The following CC2D2B variants were observed in gnomAD, a reference collection of about 807,000 sequenced individuals.
CC2D2B encodes the protein coiled-coil and C2 domain containing 2B.
A neutral mutation model predicts 161.2 loss-of-function variants in CC2D2B; 128 were observed. That is an observed-to-expected ratio of 0.79 (90% CI 0.69 to 0.92). CC2D2B has a LOEUF of 0.92. Among genes scored for constraint, CC2D2B ranks in the 40% least tolerant of loss-of-function variants. The pLI, the probability that CC2D2B is intolerant of heterozygous loss-of-function variation, is 0.00. For missense variants in CC2D2B, 1,173 were observed against 1,375.1 expected (o/e 0.85, Z 2.32); for synonymous variants, 391 against 449.8 (o/e 0.87, Z 1.65).
Position 95,992,812 on chromosome 10 carries a change from AAATG to A in CC2D2B, c.2642+122_2642+125del, listed in dbSNP as rs754604625. On this transcript the variant is annotated intron_variant, in intron 22 of 34. Transcript: ENST00000646931. ...ACTTTGTTAATGCTCCATATACATA[AAATG>A]AATGAAAATTGAAATCTTCATTTGC... 54 of 628,860 alleles carry A rather than the reference AAATG, an allele frequency of 8.6e-5. No homozygotes were observed. In the African/African-American group the frequency reaches 9.3e-4, roughly 11 times the overall value. 39.0% of individuals were successfully genotyped at this position (628,860 alleles called of 1,614,324 possible). A position where few individuals can be genotyped will look rare whatever the true frequency, so the allele number is the denominator to read the frequency against.
At chr10:95,950,905 T>C (rs2039618) in intron 10 of CC2D2B, among the ~76,000 whole-genome samples, 89,597 of 151,744 alleles carry the variant, frequency 0.59, 27,022 homozygotes, top group Admixed American at 0.66. Flanking sequence ...CTGCAACCTC[T>C]ACCTCCCGAG....
intron 16 of CC2D2B, 26 bp from the exon 17 acceptor site, chr10:95,973,983 A>G (rs1292910296): frequency 4.1e-6 from 5 of 1,211,872 alleles, no homozygotes; most frequent in Non-Finnish European, 4.1e-6. Context: ...AACAATTCAT[A>G]TGTTTTTAAT....
At chr10:95,933,641 T>G (rs2075691998) in intron 6 of CC2D2B, among the ~76,000 whole-genome samples, 1 of 152,222 alleles carries the variant, frequency 6.6e-6, no homozygotes, top group Admixed American at 6.5e-5. Context: ...GAGACCCCTC[T>G]GCTGCAGGTC....
At chr10:96,010,849 G>C (rs978421401) in intron 26 of CC2D2B, among the ~76,000 whole-genome samples, 61 of 152,152 alleles carry the variant, frequency 4.0e-4, no homozygotes, top group African/African-American at 1.2e-3. Context: ...TTCCTTCATG[G>C]GTTTCTTCCT....
intron 1 of CC2D2B, among the ~76,000 whole-genome samples, chr10:95,909,173 T>C (rs2098501675): frequency 6.6e-6 from 1 of 152,242 alleles, no homozygotes; most frequent in South Asian, 2.1e-4. Flanking sequence ...GTTAAGTTAA[T>C]TTTTAAACTT....
At chr10:96,019,974 C>T in intron 32 of CC2D2B, 150 bp downstream of exon 32, 4 of 624,590 alleles carry the variant, frequency 6.4e-6, no homozygotes, top group Non-Finnish European at 1.0e-5. Context: ...CTCTGCCATC[C>T]AGCTCACAGG....
chr10:95,924,184 C>A, intron 3 of CC2D2B, 130 bp from the exon 4 acceptor site: 1 of 486,772 alleles, frequency 2.1e-6, no homozygotes, highest in South Asian at 3.6e-5. Context: ...AGATAATAAC[C>A]TAGTTTTCAT....
intron 2 of CC2D2B, among the ~76,000 whole-genome samples, chr10:95,916,621 G>A (rs2098516845): frequency 2.0e-5 from 3 of 151,780 alleles, no homozygotes; most frequent in African/African-American, 7.3e-5. Flanking sequence ...TTGTTTCAAG[G>A]AATTTTCTTA....
intron 16 of CC2D2B, among the ~76,000 whole-genome samples, chr10:95,973,596 C>A (rs543240128): frequency 2.0e-5 from 3 of 152,228 alleles, no homozygotes; most frequent in Non-Finnish European, 2.9e-5. Context: ...TGGTGGCTCA[C>A]ACCTGTAATC....
chr10:95,991,578 G>T, intron 21 of CC2D2B, 117 bp downstream of exon 21: 1 of 347,964 alleles, frequency 2.9e-6, no homozygotes. Flanking sequence ...TGCGGTTTCA[G>T]ATCATAACAT....
chr10:95,996,318 C>A (rs2078228189), intron 24 of CC2D2B, 66 bp downstream of exon 24: 11 of 726,840 alleles, frequency 1.5e-5, no homozygotes, highest in Admixed American at 2.9e-5. Context: ...TTTTCTTGAG[C>A]CACTTATTGA....
chr10:95,988,937 G>T (rs1285984333), intron 20 of CC2D2B, among the ~76,000 whole-genome samples: 5 of 152,202 alleles, frequency 3.3e-5, no homozygotes, highest in Non-Finnish European at 7.3e-5. Context: ...GCCTAGCATA[G>T]TATCTTACAC....
At chr10:95,954,960 A>G (rs1258897791) in intron 10 of CC2D2B, among the ~76,000 whole-genome samples, 1 of 152,058 alleles carries the variant, frequency 6.6e-6, no homozygotes, top group Non-Finnish European at 1.5e-5. Context: ...TTGTTTTCCT[A>G]CATTATGCAC....
At position 95,938,841 on chromosome 10, in the gene CC2D2B, T is replaced by TA. The variant is rs747531979; in HGVS notation, c.718dup (p.Thr240AsnfsTer4). The TA allele has an allele frequency of 1.3e-4, 94 of 715,124 alleles. No homozygotes were observed. The highest frequency in any genetic ancestry group is 2.1e-4 in the Non-Finnish European group (81 of 384,248). The allele number at this position is 715,124 out of a possible 1,614,324, so 44.3% of individuals were successfully genotyped here. ...AAAGTGGAGAAATAATGTCATTACC[T>TA]ACACCTATTAAACAGTCATGGAATT... is the stretch of plus-strand genomic sequence containing the variant. On this transcript the variant is annotated frameshift_variant, in exon 9 of 35. Coordinates refer to ENST00000646931, the MANE Select transcript of CC2D2B (RefSeq NM_001349008.3). LOFTEE classifies it high-confidence loss of function.
intron 34 of CC2D2B, among the ~76,000 whole-genome samples, chr10:96,029,145 G>A (rs2079912500): frequency 6.7e-6 from 1 of 149,432 alleles, no homozygotes; most frequent in Admixed American, 6.7e-5. Context: ...TAACACAAAG[G>A]ATAAATGCTT....
chr10:95,928,247 CTT>C (rs2098543153), intron 6 of CC2D2B, among the ~76,000 whole-genome samples: 1 of 150,032 alleles, frequency 6.7e-6, no homozygotes, highest in Non-Finnish European at 1.5e-5. Context: ...AAAAAAAACT[CTT>C]AAAATTTTGA....
chr10:95,993,952 GTATATATATATATATATATATATATATA>G (rs1169560460), intron 22 of CC2D2B, among the ~76,000 whole-genome samples: 5 of 18,184 alleles, frequency 2.7e-4, no homozygotes, highest in East Asian at 1.3e-3. Flanking sequence ...GTATGTATGT[GTATATATATATATATATATATATATATA>G]TATATATATA....
At chr10:96,024,613 G>T (rs368607346) in intron 32 of CC2D2B, among the ~76,000 whole-genome samples, 14 of 152,218 alleles carry the variant, frequency 9.2e-5, no homozygotes, top group African/African-American at 2.9e-4. Flanking sequence ...GAATTGGGGC[G>T]CCAGGTCTGT....
chr10:95,993,952 G>GTGTATA (rs2078117858), intron 22 of CC2D2B, among the ~76,000 whole-genome samples: 1 of 18,180 alleles, frequency 5.5e-5, no homozygotes, highest in Admixed American at 6.2e-4. Context: ...GTATGTATGT[G>GTGTATA]TATATATATA....
Sources: gnomAD v4.1 joint callset for allele counts (sites outside exome capture counted in the v4.1 genomes callset) on GRCh38, gnomAD v4.1.1 for gene constraint, MANE v1.5 for transcripts, NCBI Gene and HGNC (gene_info 2026-07-23, HGNC 2026-07-21) for gene names.